SLC29A2: variants seen among roughly 807,000 people sequenced by gnomAD.
The protein encoded by SLC29A2 is equilibrative nucleoside transporter 2.
A neutral mutation model predicts 48.8 loss-of-function variants in SLC29A2; 37 were observed. The ratio of observed to expected loss-of-function variants is 0.76; its 90% confidence interval spans 0.58 to 1.00. The LOEUF (loss-of-function observed/expected upper bound fraction) is 1.00, where lower values mean the gene tolerates loss of function less well. SLC29A2 is among the 50% of genes least tolerant of loss of function. The probability of loss-of-function intolerance (pLI) is 0.00; values close to 1 mark genes in which losing one functional copy is unlikely to be tolerated. For missense variants in SLC29A2, 533 were observed against 578.6 expected, an observed-to-expected ratio of 0.92 and a Z score of 0.81; for synonymous variants, 233 against 261.7, an observed-to-expected ratio of 0.89 and a Z score of 1.06.
Position 66,369,461 on chromosome 11 carries a change from G to C in SLC29A2, c.183C>G (p.Pro61=). The C allele has an allele frequency of 6.2e-7, 1 of 1,614,072 alleles. No homozygotes were observed. Among genetic ancestry groups the C allele is most frequent in the Non-Finnish European group, 8.5e-7 (1 of 1,179,986 alleles). ...AATTGTTGAAGTTGAAGGCATCCTC[G>C]GGACCCGTGTGGTTGGTGCTCAGGA... The part of the protein sequence containing the change: ...ARILSTNHTG[P]EDAFNFNNWV... The change falls in exon 3 of 12, where the codon CCC becomes CCG. Residue 61 remains proline, a synonymous_variant. Coordinates refer to ENST00000357440, the MANE Select transcript of SLC29A2 (RefSeq NM_001532.3).
At chr11:66,367,729 A>G (rs761678333) in intron 6 of SLC29A2, 43 bp downstream of exon 6, 2 of 1,577,054 alleles carry the variant, frequency 1.3e-6, no homozygotes, top group Non-Finnish European at 1.7e-6. Flanking sequence ...GACTCTATCC[A>G]AGATGCTTTG....
chr11:66,366,579 GA>G lies in SLC29A2; in HGVS notation c.734-16del. On this transcript the variant is annotated splice_polypyrimidine_tract_variant and intron_variant, in intron 7 of 11. Coordinates refer to ENST00000357440, the MANE Select transcript of SLC29A2 (RefSeq NM_001532.3). ...CCCGTTCTCATCTGGGGTGAGGGGG[GA>G]CGGGGAAGGGTCATGCTTGTGACCC... 1.9e-6 allele frequency: 3 copies of G among 1,612,716 alleles called. No individual in the cohort carries two copies. Among genetic ancestry groups the G allele is most frequent in the South Asian group, 2.2e-5 (2 of 91,026 alleles).
chr11:66,368,083 C>T (rs1235397021), intron 5 of SLC29A2, among the ~76,000 whole-genome samples: 1 of 152,210 alleles, frequency 6.6e-6, no homozygotes, highest in Admixed American at 6.5e-5. Context: ...TTGTTGAGCA[C>T]GTACTATGTG....
chr11:66,363,581 T>TG (rs1311899198), intron 11 of SLC29A2, 34 bp from the exon 12 acceptor site: 2 of 1,532,584 alleles, frequency 1.3e-6, no homozygotes, highest in Non-Finnish European at 9.0e-7. Context: ...TCTTAGAAAA[T>TG]GCTGGGTCTA....
At position 66,369,086 on chromosome 11, in the gene SLC29A2, G is replaced by C; in HGVS notation, c.389C>G (p.Thr130Ser). The C allele has an allele frequency of 6.2e-7, 1 of 1,600,366 alleles. No individual in the cohort carries two copies. The highest frequency in any genetic ancestry group is 8.5e-7 in the Non-Finnish European group (1 of 1,173,724). The change falls in exon 4 of 12, where the codon ACC becomes AGC. Residue 130 changes from threonine to serine, a missense_variant. By Grantham distance (58) the Thr-to-Ser change is moderately conservative (BLOSUM62 1). Transcript: ENST00000357440. ...GTTGATGAAGCAGACGGAGGCCATG[G>C]TGATGGAGAAGAAGGGTCCGGGGCT... ...DMSPGPFFSI[T>S]MASVCFINSF...
chr11:66,367,754 G>A lies in SLC29A2; in HGVS notation c.648+18C>T. 6.2e-7 allele frequency: 1 copy of A among 1,610,096 alleles called. No individual in the cohort carries two copies. The highest frequency in any genetic ancestry group is 8.5e-7 in the Non-Finnish European group (1 of 1,176,300). On this transcript the variant is annotated intron_variant, in intron 6 of 11. Coordinates refer to ENST00000357440, the MANE Select transcript of SLC29A2 (RefSeq NM_001532.3). ...AAGATGCTTTGAGGTGGGGCCTCGA[G>A]CCCAACAGCAGGCTCACCAGGTGAG... is the stretch of plus-strand genomic sequence containing the variant.
chr11:66,367,401 CA>C, intron 7 of SLC29A2, 62 bp downstream of exon 7: 1 of 1,400,882 alleles, frequency 7.1e-7, no homozygotes, highest in Non-Finnish European at 1.0e-6. Context: ...AACAGCTTCC[CA>C]GGGGAGGTGG....
intron 4 of SLC29A2, 96 bp from the exon 5 acceptor site, chr11:66,368,767 A>C: frequency 6.7e-7 from 1 of 1,503,608 alleles, no homozygotes; most frequent in South Asian, 1.2e-5. Flanking sequence ...GACTCTGGAC[A>C]AGGTTGCGCA....
rs1265107163 is a variant in SLC29A2, at chr11:66,368,471, C to T, written c.550+66G>A. 1.8e-5 allele frequency: 29 copies of T among 1,603,432 alleles called. No homozygotes were observed. The East Asian group carries it at 6.2e-4, about 35-fold the overall frequency. On this transcript the variant is annotated intron_variant, in intron 5 of 11. Coordinates refer to ENST00000357440, the MANE Select transcript of SLC29A2 (RefSeq NM_001532.3). ...CCAGAACCCATGTGTCTTGCTCTCA[C>T]ATGCCCTCTCTCTTCCCCAAACCTC...
At position 66,369,109 on chromosome 11, in the gene SLC29A2, G is replaced by A. The variant is rs1855874550; in HGVS notation, c.366C>T (p.Ser122=). ...LTAALVKVDM[S]PGPFFSITMA... ...TGGTGATGGAGAAGAAGGGTCCGGG[G>A]CTCATGTCCACCTTGACCAGCGCTG... The change falls in exon 4 of 12, where the codon AGC becomes AGT. Residue 122 remains serine (S), a synonymous_variant. Transcript: ENST00000357440. The A allele has an allele frequency of 1.9e-6, 3 of 1,595,398 alleles. No homozygotes were observed. In the African/African-American group the frequency reaches 4.0e-5, roughly 21 times the overall value.
At position 66,369,105 on chromosome 11, in the gene SLC29A2, C is replaced by T. The variant is rs1196307823; in HGVS notation, c.370G>A (p.Gly124Arg). Reference sequence around the variant, plus strand: ...GCCATGGTGATGGAGAAGAAGGGTCCGGGGCTCATGTCCACCTTGACCAGC... The same window carrying T: ...GCCATGGTGATGGAGAAGAAGGGTCTGGGGCTCATGTCCACCTTGACCAGC... Reference protein sequence around the residue: ...AALVKVDMSPGPFFSITMASV... With the variant: ...AALVKVDMSPRPFFSITMASV... The change falls in exon 4 of 12, where the codon GGA (glycine) becomes AGA (arginine). Residue 124 changes from glycine (G) to arginine (R), a missense_variant. Coordinates refer to ENST00000357440, the MANE Select transcript of SLC29A2 (RefSeq NM_001532.3). The T allele has an allele frequency of 5.6e-6, 9 of 1,595,794 alleles. No individual in the cohort carries two copies. Among genetic ancestry groups the T allele is most frequent in the East Asian group, 2.3e-5 (1 of 43,906 alleles).
Position 66,363,299 on chromosome 11 carries a change from C to A in SLC29A2, c.*137G>T, listed in dbSNP as rs1375935667. The A allele has an allele frequency of 2.8e-6, 2 of 722,110 alleles. No homozygotes were observed. Among genetic ancestry groups the A allele is most frequent in the Admixed American group, 2.0e-5 (1 of 48,970 alleles). The allele number at this position is 722,110 out of a possible 1,614,324, so 44.7% of individuals were successfully genotyped here. On this transcript the variant is annotated 3_prime_UTR_variant, in exon 12 of 12. Coordinates refer to ENST00000357440, the MANE Select transcript of SLC29A2 (RefSeq NM_001532.3). ...CAAGTGGATGAAGAGCAGCTCCTGC[C>A]CGCTGCTGGCAGCCTCAGGCCCAGG...
In SLC29A2 at chr11:66,371,653, T is replaced by TGGGGCGGAGGGCCGC. The variant is rs903663631; in HGVS notation, c.-77_-63dup. On this transcript the variant is annotated 5_prime_UTR_variant, in exon 1 of 12. Coordinates refer to ENST00000357440, the MANE Select transcript of SLC29A2 (RefSeq NM_001532.3). The stretch of plus-strand genomic sequence containing the variant: ...AGAGAAGCCGCACCTGCACCTGCGC[T>TGGGGCGGAGGGCCGC]GGGGCGGAGGGCCGCAGACCGGTGG... 8 of 1,399,198 alleles carry TGGGGCGGAGGGCCGC rather than the reference T, an allele frequency of 5.7e-6. No homozygotes were observed. Among genetic ancestry groups the TGGGGCGGAGGGCCGC allele is most frequent in the Non-Finnish European group, 7.8e-6 (8 of 1,029,964 alleles). 86.7% of individuals were successfully genotyped at this position (1,399,198 alleles called of 1,614,324 possible).
In SLC29A2 at chr11:66,368,419, A is replaced by G. The variant is rs182926984; in HGVS notation, c.550+118T>C. ...AGCCCCAGACCCAATCCCCATTTCC[A>G]TATCACCTGCTTACCTCCATCTTCA... On this transcript the variant is annotated intron_variant, in intron 5 of 11. Coordinates refer to ENST00000357440, the MANE Select transcript of SLC29A2 (RefSeq NM_001532.3). The G allele has an allele frequency of 9.0e-4, 1,235 of 1,366,090 alleles. 5 individuals carry two copies. The highest frequency in any genetic ancestry group is 8.3e-4 in the Admixed American group (43 of 51,902). 84.6% of individuals were successfully genotyped at this position (1,366,090 alleles called of 1,614,324 possible). A position where few individuals can be genotyped will look rare whatever the true frequency, so the allele number is the denominator to read the frequency against.
intron 7 of SLC29A2, among the ~76,000 whole-genome samples, chr11:66,366,930 G>A (rs1855731747): frequency 6.6e-6 from 1 of 152,110 alleles, no homozygotes; most frequent in African/African-American, 2.4e-5. Context: ...GTGACAGAGT[G>A]AGATCCTGAC....
chr11:66,367,361 T>C (rs1855758969), intron 7 of SLC29A2, 103 bp downstream of exon 7: 1 of 937,716 alleles, frequency 1.1e-6, no homozygotes, highest in South Asian at 1.3e-5. Flanking sequence ...ACAAGGCTAC[T>C]AGGGGTGGGC....
In SLC29A2 at chr11:66,363,300, C is replaced by A. The variant is rs754349659; in HGVS notation, c.*136G>T. 2 of 724,844 alleles carry A rather than the reference C, an allele frequency of 2.8e-6. No individual in the cohort carries two copies. Among genetic ancestry groups the A allele is most frequent in the Admixed American group, 2.0e-5 (1 of 48,954 alleles). 44.9% of individuals were successfully genotyped at this position (724,844 alleles called of 1,614,324 possible). A position where few individuals can be genotyped will look rare whatever the true frequency, so the allele number is the denominator to read the frequency against. On this transcript the variant is annotated 3_prime_UTR_variant, in exon 12 of 12. Coordinates refer to ENST00000357440, the MANE Select transcript of SLC29A2 (RefSeq NM_001532.3). Reference sequence around the variant, plus strand: ...AAGTGGATGAAGAGCAGCTCCTGCCCGCTGCTGGCAGCCTCAGGCCCAGGG... The same window carrying A: ...AAGTGGATGAAGAGCAGCTCCTGCCAGCTGCTGGCAGCCTCAGGCCCAGGG...
At chr11:66,372,399 G>T (rs996355794), upstream of SLC29A2, among the ~76,000 whole-genome samples, 7 of 152,192 alleles carry the variant, frequency 4.6e-5, no homozygotes, top group Admixed American at 3.9e-4. Context: ...TGCAATCCCC[G>T]GGCGTATCGG....
intron 11 of SLC29A2, chr11:66,363,793 C>G (rs772589156): frequency 2.9e-5 from 16 of 556,958 alleles, no homozygotes; most frequent in Admixed American, 2.7e-4. Context: ...CCACAGTGCT[C>G]TCAGCCTGTC....
Sources: gnomAD v4.1 joint callset for allele counts (sites outside exome capture counted in the v4.1 genomes callset) on GRCh38, gnomAD v4.1.1 for gene constraint, MANE v1.5 for transcripts, NCBI Gene and HGNC (gene_info 2026-07-23, HGNC 2026-07-21) for gene names.